CNBD1: variants seen among roughly 807,000 people sequenced by gnomAD.
The protein encoded by CNBD1 is cyclic nucleotide-binding domain-containing protein 1.
In CNBD1, 71 loss-of-function variants were observed where a neutral mutation model predicts 54.4. The observed-to-expected ratio is 1.30, with a 90% CI of 1.08 to 1.59. CNBD1 has a LOEUF of 1.59. CNBD1 is among the 40% of genes most tolerant of loss of function. CNBD1 has a pLI of 0.00. For synonymous variants in CNBD1, 182 were observed against 170.7 expected (o/e 1.07, Z -0.51); for missense variants, 659 against 518.0 (o/e 1.27, Z -2.64).
At chr8:87,419,548 A>G (rs1391062892) in intron 2 of CNBD1, among the ~76,000 whole-genome samples, 1 of 151,926 alleles carries the variant, frequency 6.6e-6, no homozygotes, top group Non-Finnish European at 1.5e-5. Flanking sequence ...ATTTCAAAAA[A>G]TTTCAAAAGA....
chr8:87,419,607 C>G (rs10098977), intron 2 of CNBD1, among the ~76,000 whole-genome samples: 83,077 of 151,570 alleles, frequency 0.55, 23,838 homozygotes, highest in African/African-American at 0.71. Context: ...AGATCATCAG[C>G]AAAATCACAA....
intron 4 of CNBD1, among the ~76,000 whole-genome samples, chr8:87,114,576 C>T (rs938008108): frequency 9.4e-6 from 1 of 106,554 alleles, no homozygotes; most frequent in African/African-American, 4.9e-5. Context: ...GTCTTGAACT[C>T]CTGACCTCAG....
At chr8:87,132,386 A>C (rs1812136667) in intron 4 of CNBD1, among the ~76,000 whole-genome samples, 1 of 151,592 alleles carries the variant, frequency 6.6e-6, no homozygotes, top group African/African-American at 2.4e-5. Context: ...CTTTGAGTTA[A>C]TAAAGTGAAT....
At chr8:87,122,646 C>T (rs967779835) in intron 4 of CNBD1, among the ~76,000 whole-genome samples, 4 of 151,784 alleles carry the variant, frequency 2.6e-5, no homozygotes, top group Non-Finnish European at 4.4e-5. Flanking sequence ...AGGCCAATGT[C>T]ATTTAGCATT....
In CNBD1 at chr8:87,189,778, G is replaced by A. The variant is rs1481570584; in HGVS notation, c.432-16215G>A. Among the ~76,000 whole-genome samples, 3 of 152,074 alleles carry A rather than the reference G, an allele frequency of 2.0e-5. 1 individual carries two copies. Among genetic ancestry groups the A allele is most frequent in the Non-Finnish European group, 4.4e-5 (3 of 68,002 alleles). ...GATCAGCATTTGTCATATGAATCTGGATGATCAAATAAAATCAATTGTTAT... is the reference window on the plus strand; with the variant it reads ...GATCAGCATTTGTCATATGAATCTGAATGATCAAATAAAATCAATTGTTAT... On this transcript the variant is annotated intron_variant, in intron 4 of 10. Coordinates refer to ENST00000518476, the MANE Select transcript of CNBD1 (RefSeq NM_173538.3).
At chr8:86,900,540 C>T in intron 2 of CNBD1, among the ~76,000 whole-genome samples, 1 of 152,244 alleles carries the variant, frequency 6.6e-6, no homozygotes, top group South Asian at 2.1e-4. Context: ...AAATGCTGTA[C>T]ATTCTGTACC....
intron 4 of CNBD1, among the ~76,000 whole-genome samples, chr8:87,040,463 G>T (rs980224663): frequency 7.4e-6 from 1 of 134,268 alleles, no homozygotes; most frequent in East Asian, 2.1e-4. Context: ...TTGCTTTGTC[G>T]CCCAGTCTGG....
At chr8:87,371,598 G>A (rs1810799171) in intron 10 of CNBD1, among the ~76,000 whole-genome samples, 1 of 152,002 alleles carries the variant, frequency 6.6e-6, no homozygotes, top group African/African-American at 2.4e-5. Flanking sequence ...ATAAAATACT[G>A]GCAAACTGAA....
chr8:87,258,175 T>C (rs1348710429), intron 6 of CNBD1, among the ~76,000 whole-genome samples: 4 of 152,122 alleles, frequency 2.6e-5, no homozygotes, highest in Admixed American at 2.6e-4. Context: ...AAGCTTAAAT[T>C]TGATTTTGGG....
At chr8:87,367,563 G>T (rs1265218799) in intron 10 of CNBD1, among the ~76,000 whole-genome samples, 1 of 152,046 alleles carries the variant, frequency 6.6e-6, no homozygotes, top group Non-Finnish European at 1.5e-5. Context: ...GTTATGAGAT[G>T]TACTGCCTTG....
At chr8:87,084,628 A>C (rs1433620975) in intron 4 of CNBD1, among the ~76,000 whole-genome samples, 1 of 148,040 alleles carries the variant, frequency 6.8e-6, no homozygotes, top group Non-Finnish European at 1.5e-5. Context: ...CACTTTTAAA[A>C]CCTTTTCTTT....
chr8:87,193,130 A>C (rs1813646795), intron 4 of CNBD1, among the ~76,000 whole-genome samples: 1 of 152,192 alleles, frequency 6.6e-6, no homozygotes, highest in African/African-American at 2.4e-5. Context: ...ATTAACAAGA[A>C]GTGATTGAGA....
At chr8:87,344,969 A>G (rs1422549505) in intron 8 of CNBD1, among the ~76,000 whole-genome samples, 3 of 152,186 alleles carry the variant, frequency 2.0e-5, no homozygotes, top group Non-Finnish European at 2.9e-5. Flanking sequence ...AACTGAAAAC[A>G]TAGAAACTTC....
intron 10 of CNBD1, among the ~76,000 whole-genome samples, chr8:87,355,572 T>C (rs186456164): frequency 1.8e-3 from 277 of 152,202 alleles, no homozygotes; most frequent in Non-Finnish European, 3.2e-3. Context: ...GAGAAATGAA[T>C]AGAAGCTAAT....
chr8:87,072,105 C>G (rs1235409971), intron 4 of CNBD1, among the ~76,000 whole-genome samples: 2 of 152,082 alleles, frequency 1.3e-5, no homozygotes, highest in Non-Finnish European at 2.9e-5. Context: ...GGTTTGAAAT[C>G]TGTTTTGTCA....
Position 87,096,343 on chromosome 8 carries a change from CTTT to C in CNBD1, c.432-109631_432-109629del, listed in dbSNP as rs764461082. 7.2e-3 allele frequency among the ~76,000 whole-genome samples: 846 copies of C among 117,124 alleles called. 12 individuals carry two copies. In the East Asian group the frequency reaches 0.075, roughly 10 times the overall value. The allele number at this position is 117,124 out of a possible 152,430, so 76.8% of individuals were successfully genotyped here. On this transcript the variant is annotated intron_variant, in intron 4 of 10. Coordinates refer to ENST00000518476, the MANE Select transcript of CNBD1 (RefSeq NM_173538.3). ...AGAAAGAAGAATAGCTCTCTGGTGT[CTTT>C]TTTTTTTTTTTTTTTTTTAATAAGA...
chr8:87,111,949 C>T (rs1175214500), intron 4 of CNBD1, among the ~76,000 whole-genome samples: 1 of 152,190 alleles, frequency 6.6e-6, no homozygotes, highest in South Asian at 2.1e-4. Context: ...TATCTCCTAC[C>T]TACAGAGCAC....
chr8:87,415,643 C>T (rs765744107), intron 2 of CNBD1, among the ~76,000 whole-genome samples: 1 of 151,894 alleles, frequency 6.6e-6, no homozygotes, highest in Non-Finnish European at 1.5e-5. Context: ...AAGCTTTCTT[C>T]TTCTCTTTCT....
chr8:87,019,160 C>G (rs1200283142), intron 4 of CNBD1, among the ~76,000 whole-genome samples: 1 of 152,124 alleles, frequency 6.6e-6, no homozygotes, highest in East Asian at 1.9e-4. Flanking sequence ...CAAGCTCACA[C>G]ACAACAGCTC....
Sources: gnomAD v4.1 joint callset for allele counts (sites outside exome capture counted in the v4.1 genomes callset) on GRCh38, gnomAD v4.1.1 for gene constraint, MANE v1.5 for transcripts, NCBI Gene and HGNC (gene_info 2026-07-23, HGNC 2026-07-21) for gene names.